Variants in GHR observed in about 807,000 individuals in gnomAD.
GHR encodes GH receptor.
Under a neutral mutation model 67.1 loss-of-function variants are expected in GHR, and 35 were observed. The ratio of observed to expected loss-of-function variants is 0.52; its 90% CI spans 0.40 to 0.69. The LOEUF is 0.69. Among genes scored for constraint, GHR ranks in the 30% least tolerant of loss-of-function variants. GHR has a pLI of 0.00. For missense variants in GHR, 792 were observed against 764.6 expected (o/e 1.04, Z -0.42); for synonymous variants, 272 against 269.1 (o/e 1.01, Z -0.10).
rs139777097 is a variant in GHR, at chr5:42,574,797, T to C, written c.70+8853T>C. Among the ~76,000 whole-genome samples, 181 of 152,312 alleles carry C rather than the reference T, an allele frequency of 1.2e-3. 3 individuals are homozygous for C. The highest frequency in any genetic ancestry group is 4.1e-3 in the African/African-American group (170 of 41,572). On this transcript the variant is annotated intron_variant, in intron 2 of 9. Coordinates refer to ENST00000230882, the MANE Select transcript of GHR (RefSeq NM_000163.5). ...TTTTTGGATTTTTGCGGGTGATTTC[T>C]CCAACATGTTTAGAACTGGGTTGCT...
intron 1 of GHR, among the ~76,000 whole-genome samples, chr5:42,491,350 A>C (rs1362944068): frequency 2.0e-5 from 3 of 152,216 alleles, no homozygotes; most frequent in Admixed American, 2.0e-4. Context: ...TGGGTGTAAA[A>C]CACAGGCCTC....
At chr5:42,663,789 A>G (rs947654756) in intron 3 of GHR, among the ~76,000 whole-genome samples, 1 of 152,214 alleles carries the variant, frequency 6.6e-6, no homozygotes, top group Non-Finnish European at 1.5e-5. Flanking sequence ...CAATTAGGAA[A>G]AGAGGAAGTC....
intron 2 of GHR, among the ~76,000 whole-genome samples, chr5:42,619,323 A>G (rs1753323444): frequency 6.6e-6 from 1 of 151,826 alleles, no homozygotes; most frequent in African/African-American, 2.4e-5. Context: ...CCTGCCACAC[A>G]TACCTCCCTT....
At chr5:42,430,634 GTGTA>G (rs1294479691) in intron 1 of GHR, among the ~76,000 whole-genome samples, 32 of 151,758 alleles carry the variant, frequency 2.1e-4, no homozygotes, top group East Asian at 1.2e-3. Context: ...GTGTGTGTGT[GTGTA>G]TGTGTGTGTT....
chr5:42,563,452 T>G (rs570955236), intron 1 of GHR, among the ~76,000 whole-genome samples: 1 of 151,026 alleles, frequency 6.6e-6, no homozygotes, highest in Admixed American at 6.6e-5. Context: ...CCGTCTCTAC[T>G]AAAAATACAA....
intron 1 of GHR, among the ~76,000 whole-genome samples, chr5:42,520,078 A>G (rs867029435): frequency 6.6e-6 from 1 of 152,180 alleles, no homozygotes; most frequent in African/African-American, 2.4e-5. Flanking sequence ...TTTGAGTACA[A>G]TTACTATGCC....
intron 2 of GHR, among the ~76,000 whole-genome samples, chr5:42,602,275 A>G (rs1752414483): frequency 6.6e-6 from 1 of 152,124 alleles, no homozygotes; most frequent in Admixed American, 6.5e-5. Context: ...AGACTTATTC[A>G]TCCTTCATAA....
At chr5:42,554,740 C>T (rs12516901) in intron 1 of GHR, among the ~76,000 whole-genome samples, 53,401 of 151,736 alleles carry the variant, frequency 0.35, 10,906 homozygotes, top group African/African-American at 0.57. Context: ...AATCAAAGAT[C>T]CAGTATGAGA....
At chr5:42,447,231 T>C (rs914002497) in intron 1 of GHR, among the ~76,000 whole-genome samples, 1 of 152,192 alleles carries the variant, frequency 6.6e-6, no homozygotes, top group African/African-American at 2.4e-5. Context: ...TCTAAGATTG[T>C]GGTGCACCCA....
At chr5:42,458,903 A>G (rs1276714763) in intron 1 of GHR, among the ~76,000 whole-genome samples, 1 of 152,210 alleles carries the variant, frequency 6.6e-6, no homozygotes, top group East Asian at 1.9e-4. Flanking sequence ...ATCACTAATC[A>G]TTATGGAAAT....
chr5:42,466,594 C>T (rs994792286), intron 1 of GHR, among the ~76,000 whole-genome samples: 3 of 152,188 alleles, frequency 2.0e-5, no homozygotes, highest in Non-Finnish European at 2.9e-5. Context: ...TCCCCAAATA[C>T]AATCATTACT....
chr5:42,566,010 T>C, intron 2 of GHR, 66 bp downstream of exon 2: 2 of 1,572,118 alleles, frequency 1.3e-6, no homozygotes, highest in Non-Finnish European at 1.8e-6. Context: ...ATTCGCTACA[T>C]CCAAGTTTTT....
intron 3 of GHR, among the ~76,000 whole-genome samples, chr5:42,642,081 T>G (rs1754503921): frequency 6.6e-6 from 1 of 151,966 alleles, no homozygotes; most frequent in Non-Finnish European, 1.5e-5. Flanking sequence ...AATCTGAGGA[T>G]GAAAAAAGCA....
intron 3 of GHR, among the ~76,000 whole-genome samples, chr5:42,674,386 T>C (rs1481417303): frequency 6.6e-6 from 1 of 152,226 alleles, no homozygotes; most frequent in Non-Finnish European, 1.5e-5. Flanking sequence ...AAATCCACCT[T>C]TTTAATCTCA....
chr5:42,501,315 G>C (rs932072407), intron 1 of GHR, among the ~76,000 whole-genome samples: 1 of 152,040 alleles, frequency 6.6e-6, no homozygotes, highest in Non-Finnish European at 1.5e-5. Flanking sequence ...ATCCAGAAAA[G>C]AGAATCCAAG....
At chr5:42,622,713 A>G (rs1019033610) in intron 2 of GHR, among the ~76,000 whole-genome samples, 4 of 152,182 alleles carry the variant, frequency 2.6e-5, no homozygotes, top group Admixed American at 2.0e-4. Flanking sequence ...TCTAAATGCC[A>G]TTGCTACACA....
At chr5:42,694,590 G>A (rs1208609474) in intron 4 of GHR, among the ~76,000 whole-genome samples, 1 of 152,144 alleles carries the variant, frequency 6.6e-6, no homozygotes, top group Non-Finnish European at 1.5e-5. Flanking sequence ...TTTTTAAAAT[G>A]TCCCTAAGTC....
rs569845281 is a variant in GHR, at chr5:42,502,287, G to A, written c.-11-63577G>A. Reference sequence around the variant, plus strand: ...TACTGAGTAAAATGTTTAAAATTATGTTCTTATGGCAATGTTCAAGGTTTT... The same window carrying A: ...TACTGAGTAAAATGTTTAAAATTATATTCTTATGGCAATGTTCAAGGTTTT... On this transcript the variant is annotated intron_variant, in intron 1 of 9. Transcript: ENST00000230882. Among the ~76,000 whole-genome samples, 31 of 152,230 alleles carry A rather than the reference G, an allele frequency of 2.0e-4. No homozygotes were observed. The South Asian group carries it at 6.0e-3, about 30-fold the overall frequency.
At chr5:42,574,488 T>C (rs956733751) in intron 2 of GHR, among the ~76,000 whole-genome samples, 2 of 152,188 alleles carry the variant, frequency 1.3e-5, no homozygotes, top group Admixed American at 6.5e-5. Context: ...AGGCTCTTAA[T>C]GAGAAATAGA....
Sources: gnomAD v4.1 joint callset for allele counts (sites outside exome capture counted in the v4.1 genomes callset) on GRCh38, gnomAD v4.1.1 for gene constraint, MANE v1.5 for transcripts, NCBI Gene and HGNC (gene_info 2026-07-23, HGNC 2026-07-21) for gene names.